WASHC3: variants seen among roughly 807,000 people sequenced by gnomAD.
The protein encoded by WASHC3 is WASH complex subunit CCDC53.
A neutral mutation model predicts 26.1 loss-of-function variants in WASHC3; 24 were observed. The observed-to-expected ratio is 0.92, with a 90% confidence interval of 0.66 to 1.29. The LOEUF (loss-of-function observed/expected upper bound fraction) is 1.29, where lower values mean the gene tolerates loss of function less well. Among genes scored for constraint, WASHC3 ranks in the 50% most tolerant of loss-of-function variants. The pLI, the probability that WASHC3 is intolerant of heterozygous loss-of-function variation, is 0.00. For missense variants in WASHC3, 214 were observed against 229.6 expected (o/e 0.93, Z 0.44); for synonymous variants, 77 against 75.7 (o/e 1.02, Z -0.09).
At chr12:102,027,536 A>G (rs1877249416) in intron 5 of WASHC3, among the ~76,000 whole-genome samples, 1 of 152,208 alleles carries the variant, frequency 6.6e-6, no homozygotes, top group African/African-American at 2.4e-5. Flanking sequence ...ATTAAGTTAA[A>G]TCATTAAATT....
intron 5 of WASHC3, among the ~76,000 whole-genome samples, 188 bp downstream of exon 5, chr12:102,039,680 T>A (rs1877856860): frequency 6.6e-6 from 1 of 152,026 alleles, no homozygotes; most frequent in Admixed American, 6.6e-5. Flanking sequence ...GTGGGATCAA[T>A]TCTAAAGATT....
At chr12:102,060,746 A>G (rs1565823330) in intron 2 of WASHC3, among the ~76,000 whole-genome samples, 1 of 152,072 alleles carries the variant, frequency 6.6e-6, no homozygotes, top group Non-Finnish European at 1.5e-5. Context: ...GCCCAAGGTC[A>G]GGAATTCGAG....
At chr12:102,018,995 C>T (rs1476885253) in intron 6 of WASHC3, among the ~76,000 whole-genome samples, 7 of 152,026 alleles carry the variant, frequency 4.6e-5, no homozygotes, top group Non-Finnish European at 2.9e-5. Context: ...GACAGGGTTT[C>T]GCCATGTTGG....
chr12:102,024,420 G>A (rs777125916), intron 6 of WASHC3, among the ~76,000 whole-genome samples: 1 of 152,150 alleles, frequency 6.6e-6, no homozygotes, highest in Non-Finnish European at 1.5e-5. Context: ...TGGATATGGA[G>A]GCATATGGTG....
chr12:102,055,648 A>G (rs1230916123), intron 2 of WASHC3, among the ~76,000 whole-genome samples: 1 of 152,144 alleles, frequency 6.6e-6, no homozygotes, highest in Non-Finnish European at 1.5e-5. Context: ...CCACCCATCA[A>G]AGCTTTTCAA....
In WASHC3 at chr12:102,057,860, A is replaced by C. The variant is rs183075328; in HGVS notation, c.150+3388T>G. The stretch of plus-strand genomic sequence containing the variant: ...TCAAAGCAATCTACAGACTCAATGC[A>C]ATCCCTATCAATTTTCCAATAATAT... On this transcript the variant is annotated intron_variant, in intron 2 of 6. Coordinates refer to ENST00000240079, the MANE Select transcript of WASHC3 (RefSeq NM_016053.4). Among the ~76,000 whole-genome samples, 208 of 152,184 alleles carry C rather than the reference A, an allele frequency of 1.4e-3. 3 individuals are homozygous for C. Among genetic ancestry groups the C allele is most frequent in the African/African-American group, 2.6e-4 (11 of 41,552 alleles).
At chr12:102,024,880 T>C (rs1877109936) in intron 6 of WASHC3, among the ~76,000 whole-genome samples, 1 of 152,170 alleles carries the variant, frequency 6.6e-6, no homozygotes, top group African/African-American at 2.4e-5. Flanking sequence ...TTTTAAAGTC[T>C]GTGTCAGGAA....
intron 5 of WASHC3, among the ~76,000 whole-genome samples, chr12:102,026,805 T>C (rs1402465768): frequency 6.6e-6 from 1 of 152,150 alleles, no homozygotes; most frequent in Non-Finnish European, 1.5e-5. Flanking sequence ...TCAACTCCCC[T>C]CTCTTCACAC....
At chr12:102,023,742 T>C (rs967108773) in intron 6 of WASHC3, among the ~76,000 whole-genome samples, 11 of 152,196 alleles carry the variant, frequency 7.2e-5, no homozygotes, top group African/African-American at 2.7e-4. Context: ...ACCAATGGCA[T>C]GTGCATATGA....
Position 102,013,218 on chromosome 12 carries a change from A to G in WASHC3, c.501-26T>C, listed in dbSNP as rs373260272. On this transcript the variant is annotated intron_variant, in intron 6 of 6. Transcript: ENST00000240079. ...CTAAAAGAAAAGAAAAAAAAATTTC[A>G]AAGGTCTTTTCCAATTGAAAAGAGC... 467 of 1,231,608 alleles carry G rather than the reference A, an allele frequency of 3.8e-4. 5 individuals are homozygous for G. Among genetic ancestry groups the G allele is most frequent in the Middle Eastern group, 1.3e-3 (7 of 5,190 alleles). The allele number at this position is 1,231,608 out of a possible 1,614,324, so 76.3% of individuals were successfully genotyped here.
chr12:102,019,674 T>C (rs2121327881), intron 6 of WASHC3, among the ~76,000 whole-genome samples: 1 of 152,318 alleles, frequency 6.6e-6, no homozygotes, highest in South Asian at 2.1e-4. Context: ...AATAAGCATA[T>C]TTATATTTGT....
chr12:102,039,670 G>A (rs1877856499), intron 5 of WASHC3, among the ~76,000 whole-genome samples, 198 bp downstream of exon 5: 1 of 150,652 alleles, frequency 6.6e-6, no homozygotes, highest in Admixed American at 6.6e-5. Flanking sequence ...AATTTAAAGT[G>A]TGGGATCAAT....
At chr12:102,048,429 G>A (rs1402680492) in intron 2 of WASHC3, 1 of 152,216 alleles carries the variant, frequency 6.6e-6, no homozygotes, top group African/African-American at 2.4e-5. Context: ...GCCAAGTGTG[G>A]TGGTGTGCGT....
intron 2 of WASHC3, among the ~76,000 whole-genome samples, chr12:102,049,583 G>C (rs1878306346): frequency 6.6e-6 from 1 of 152,036 alleles, no homozygotes; most frequent in Non-Finnish European, 1.5e-5. Context: ...ACAAAAGAAA[G>C]AAGGAAATAT....
intron 6 of WASHC3, 28 bp downstream of exon 6, chr12:102,025,946 A>G: frequency 9.3e-7 from 1 of 1,080,530 alleles, no homozygotes; most frequent in Non-Finnish European, 1.4e-6. Context: ...CCTGGCAATA[A>G]TATCATTATA....
In WASHC3 at chr12:102,013,208, A is replaced by AG. The variant is rs1449777387; in HGVS notation, c.501-17_501-16insC. ...ATCTGGCCTCCTAAAAGAAAAGAAAAAAAAATTTCAAAGGTCTTTTCCAAT... is the reference window on the plus strand; with the variant it reads ...ATCTGGCCTCCTAAAAGAAAAGAAAAGAAAAATTTCAAAGGTCTTTTCCAAT... On this transcript the variant is annotated splice_polypyrimidine_tract_variant and intron_variant, in intron 6 of 6. Transcript: ENST00000240079. 2.2e-6 allele frequency: 3 copies of AG among 1,357,256 alleles called. No homozygotes were observed. Among genetic ancestry groups the AG allele is most frequent in the Non-Finnish European group, 3.1e-6 (3 of 982,088 alleles). The allele number at this position is 1,357,256 out of a possible 1,614,324, so 84.1% of individuals were successfully genotyped here.
chr12:102,049,868 T>C (rs115802006), intron 2 of WASHC3, among the ~76,000 whole-genome samples: 595 of 152,208 alleles, frequency 3.9e-3, no homozygotes, highest in African/African-American at 0.014. Flanking sequence ...AAAGGTTAAG[T>C]CCAATGGCAG....
chr12:102,020,464 T>C (rs2121330962), intron 6 of WASHC3, among the ~76,000 whole-genome samples: 1 of 152,286 alleles, frequency 6.6e-6, no homozygotes, highest in South Asian at 2.1e-4. Flanking sequence ...ACCATTATTG[T>C]TGGTTTAATT....
rs956195968 is a variant in WASHC3 at position 102,012,918 on chromosome 12, CTTTAT to C, written c.*185_*189del. The C allele has an allele frequency of 2.2e-6, 1 of 448,284 alleles. No individual in the cohort carries two copies. Among genetic ancestry groups the C allele is most frequent in the African/African-American group, 2.1e-5 (1 of 48,636 alleles). The allele number at this position is 448,284 out of a possible 1,614,324, so 27.8% of individuals were successfully genotyped here. Reference sequence around the variant, plus strand: ...TTATCCTATTTTTCATTTTGAGGCCCTTTATTTTAGCAACAAGACATACTGGCAGG... The same window carrying C: ...TTATCCTATTTTTCATTTTGAGGCCCTTTAGCAACAAGACATACTGGCAGG... On this transcript the variant is annotated 3_prime_UTR_variant, in exon 7 of 7. Coordinates refer to ENST00000240079, the MANE Select transcript of WASHC3 (RefSeq NM_016053.4).
Sources: allele counts gnomAD v4.1 joint callset (sites outside exome capture counted in the v4.1 genomes callset), GRCh38; gene constraint gnomAD v4.1.1; transcripts MANE v1.5; gene names NCBI Gene and HGNC (gene_info 2026-07-23, HGNC 2026-07-21).